The following FBXL17 variants were observed in gnomAD, a reference collection of about 807,000 sequenced individuals.
The protein encoded by FBXL17 is F-box/LRR-repeat protein 17.
FBXL17 carries 22 observed loss-of-function variants against 66.2 expected under a neutral mutation model. The observed-to-expected ratio is 0.33, with a 90% CI of 0.24 to 0.47. FBXL17 has a LOEUF of 0.47. FBXL17 is among the 20% of genes least tolerant of loss of function. The pLI is 1.00. For synonymous variants in FBXL17, 474 were observed against 400.5 expected, an observed-to-expected ratio of 1.18 and a Z score of -2.19; for missense variants, 878 against 948.2, an observed-to-expected ratio of 0.93 and a Z score of 0.97.
chr5:108,072,656 C>A (rs1474276336), intron 6 of FBXL17, among the ~76,000 whole-genome samples: 2 of 152,062 alleles, frequency 1.3e-5, no homozygotes, highest in Non-Finnish European at 2.9e-5. Flanking sequence ...TACAGTGAGC[C>A]GAGATTGCGC....
At chr5:108,031,259 G>C (rs1420875662) in intron 6 of FBXL17, among the ~76,000 whole-genome samples, 1 of 152,002 alleles carries the variant, frequency 6.6e-6, no homozygotes, top group Non-Finnish European at 1.5e-5. Context: ...TATTTTAGCT[G>C]TTTACTTATA....
chr5:108,323,129 G>A (rs903750941), intron 4 of FBXL17, among the ~76,000 whole-genome samples: 49 of 151,698 alleles, frequency 3.2e-4, no homozygotes, highest in Non-Finnish European at 2.1e-4. Context: ...AAAAAGAAAG[G>A]AAAGACATCT....
At chr5:107,914,095 C>G (rs1750047064) in intron 7 of FBXL17, among the ~76,000 whole-genome samples, 1 of 54,214 alleles carries the variant, frequency 1.8e-5, no homozygotes, top group Non-Finnish European at 4.0e-5. Flanking sequence ...GTTTAAAAAC[C>G]TCCAGTAAAA....
chr5:107,879,645 C>T (rs567841056), intron 8 of FBXL17: 14 of 985,464 alleles, frequency 1.4e-5, no homozygotes, highest in South Asian at 4.7e-5. Flanking sequence ...TTGGGCCATA[C>T]TTCATTTGCC....
intron 1 of FBXL17, among the ~76,000 whole-genome samples, chr5:108,378,109 G>C (rs1316663809): frequency 2.0e-5 from 3 of 151,836 alleles, no homozygotes; most frequent in African/African-American, 7.3e-5. Context: ...ATGCATTTTT[G>C]ACTGCTTTAA....
At chr5:108,259,100 C>T (rs1418348199) in intron 4 of FBXL17, among the ~76,000 whole-genome samples, 1 of 152,028 alleles carries the variant, frequency 6.6e-6, no homozygotes, top group East Asian at 1.9e-4. Flanking sequence ...CGACTATCAG[C>T]TATTTTCAAA....
intron 7 of FBXL17, among the ~76,000 whole-genome samples, chr5:107,891,496 C>A (rs574537981): frequency 9.9e-5 from 15 of 152,152 alleles, no homozygotes; most frequent in Non-Finnish European, 2.1e-4. Flanking sequence ...TTGCAATTAT[C>A]CAAGCAAGAA....
At chr5:107,967,410 C>T (rs1040864547) in intron 7 of FBXL17, among the ~76,000 whole-genome samples, 20 of 151,398 alleles carry the variant, frequency 1.3e-4, no homozygotes, top group Non-Finnish European at 2.2e-4. Context: ...TACCCTTCTC[C>T]GAGAGCTGGC....
At chr5:108,266,939 G>A (rs1333336858) in intron 4 of FBXL17, among the ~76,000 whole-genome samples, 1 of 151,962 alleles carries the variant, frequency 6.6e-6, no homozygotes, top group Admixed American at 6.6e-5. Context: ...CTATTAGAAT[G>A]AAAAATAATT....
At position 107,939,046 on chromosome 5, in the gene FBXL17, G is replaced by A. The variant is rs1027356163; in HGVS notation, c.1823-57867C>T. Among the ~76,000 whole-genome samples the A allele has an allele frequency of 3.9e-5, 6 of 151,998 alleles. 1 individual carries two copies. Among genetic ancestry groups the A allele is most frequent in the East Asian group, 3.9e-4 (2 of 5,180 alleles). On this transcript the variant is annotated intron_variant, in intron 7 of 8. Transcript: ENST00000542267. ...AATTTAGCGTGAATTTTAGCGCATC[G>A]TCCAAACCAACATTCCTGACTATGT...
chr5:108,245,445 T>C (rs1047853114), intron 4 of FBXL17, among the ~76,000 whole-genome samples: 1 of 152,222 alleles, frequency 6.6e-6, no homozygotes, highest in African/African-American at 2.4e-5. Flanking sequence ...TTAACATTCC[T>C]TAAACAAGAA....
intron 7 of FBXL17, among the ~76,000 whole-genome samples, chr5:107,883,977 A>C (rs1748879326): frequency 6.6e-6 from 1 of 152,200 alleles, no homozygotes; most frequent in African/African-American, 2.4e-5. Flanking sequence ...AGGACAAGTG[A>C]GCCGCAGGTA....
intron 7 of FBXL17, among the ~76,000 whole-genome samples, chr5:107,901,141 T>C (rs1749558539): frequency 6.6e-6 from 1 of 152,138 alleles, no homozygotes; most frequent in Non-Finnish European, 1.5e-5. Flanking sequence ...TACTATAAAT[T>C]TTCTTAACCT....
chr5:108,165,501 A>C (rs1346833935), intron 6 of FBXL17, among the ~76,000 whole-genome samples: 3 of 152,238 alleles, frequency 2.0e-5, no homozygotes, highest in Non-Finnish European at 2.9e-5. Flanking sequence ...TAGACCATGA[A>C]AGAAAACAAA....
intron 6 of FBXL17, among the ~76,000 whole-genome samples, chr5:108,082,253 G>A (rs1454836069): frequency 1.3e-5 from 2 of 151,924 alleles, no homozygotes; most frequent in African/African-American, 2.4e-5. Flanking sequence ...AATGTGGAAA[G>A]AGCAGCAGTT....
At chr5:107,950,750 C>T (rs1462582299) in intron 7 of FBXL17, among the ~76,000 whole-genome samples, 1 of 152,072 alleles carries the variant, frequency 6.6e-6, no homozygotes, top group African/African-American at 2.4e-5. Context: ...CTGCTATTAA[C>T]CTCAAAATAG....
chr5:108,234,386 C>T (rs1161073727), intron 4 of FBXL17, among the ~76,000 whole-genome samples: 8 of 152,144 alleles, frequency 5.3e-5, no homozygotes, highest in Admixed American at 5.2e-4. Context: ...ATAATTATCC[C>T]CACTTAATGG....
intron 5 of FBXL17, among the ~76,000 whole-genome samples, chr5:108,207,625 T>C (rs1754178218): frequency 6.6e-6 from 1 of 152,172 alleles, no homozygotes; most frequent in African/African-American, 2.4e-5. Flanking sequence ...GTTTGCAGTT[T>C]CCTCCATGAC....
chr5:108,200,839 C>G (rs1301552616), intron 5 of FBXL17, among the ~76,000 whole-genome samples: 1 of 152,122 alleles, frequency 6.6e-6, no homozygotes, highest in East Asian at 1.9e-4. Context: ...TGTAATACGT[C>G]TGGGCTAGAG....
Sources: allele counts gnomAD v4.1 joint callset (sites outside exome capture counted in the v4.1 genomes callset), GRCh38; gene constraint gnomAD v4.1.1; transcripts MANE v1.5; gene names NCBI Gene and HGNC (gene_info 2026-07-23, HGNC 2026-07-21).